Variants in FAM149B1 observed in about 807,000 individuals in gnomAD.
The protein encoded by FAM149B1 is family with sequence similarity 149 member B1, also known as primary cilium assembly protein FAM149B1.
FAM149B1 carries 56 observed loss-of-function variants against 75.3 expected under a neutral mutation model. The observed-to-expected ratio is 0.74, with a 90% CI of 0.60 to 0.93. The LOEUF is 0.93. FAM149B1 is among the 40% of genes least tolerant of loss of function. FAM149B1 has a pLI of 0.00. For missense variants in FAM149B1, 639 were observed against 708.4 expected (o/e 0.90, Z 1.11); for synonymous variants, 259 against 256.1 (o/e 1.01, Z -0.11).
intron 3 of FAM149B1, among the ~76,000 whole-genome samples, chr10:73,191,336 C>CTTT (rs1344368813): frequency 8.1e-6 from 1 of 124,068 alleles, no homozygotes; most frequent in Admixed American, 8.5e-5. Flanking sequence ...CCGCCTTGGC[C>CTTT]TTTTTTTTTT....
At chr10:73,208,819 C>A (rs2043125242) in intron 6 of FAM149B1, 33 bp downstream of exon 6, 1 of 1,346,808 alleles carries the variant, frequency 7.4e-7, no homozygotes, top group South Asian at 2.1e-5. Context: ...TTTTTACTCC[C>A]CTCTTATTTT....
chr10:73,235,434 G>A (rs977238922), intron 12 of FAM149B1, 116 bp downstream of exon 12: 9 of 1,468,730 alleles, frequency 6.1e-6, no homozygotes, highest in Non-Finnish European at 8.1e-6. Flanking sequence ...AATAAAAGTT[G>A]AGTTTCCAAC....
chr10:73,203,482 T>C (rs562443685), intron 5 of FAM149B1, among the ~76,000 whole-genome samples: 2 of 152,334 alleles, frequency 1.3e-5, no homozygotes, highest in South Asian at 4.1e-4. Context: ...ATACTTAATC[T>C]TTTATTGTGG....
chr10:73,192,790 A>T, intron 4 of FAM149B1, 92 bp downstream of exon 4: 1 of 1,198,080 alleles, frequency 8.3e-7, no homozygotes, highest in Non-Finnish European at 1.1e-6. Flanking sequence ...TGAAATCTTT[A>T]TGAGCATGAC....
chr10:73,197,737 T>G (rs1030579810), intron 5 of FAM149B1, among the ~76,000 whole-genome samples: 28 of 151,576 alleles, frequency 1.8e-4, no homozygotes, highest in Non-Finnish European at 1.2e-4. Flanking sequence ...GTCACTGCAC[T>G]CCAGCCTGGT....
chr10:73,210,939 T>A (rs2043175077), intron 7 of FAM149B1, among the ~76,000 whole-genome samples: 1 of 151,614 alleles, frequency 6.6e-6, no homozygotes, highest in East Asian at 1.9e-4. Context: ...GTAGGTAGGG[T>A]TTTTTCCCCC....
At chr10:73,235,684 G>A (rs1007537329) in intron 12 of FAM149B1, among the ~76,000 whole-genome samples, 2 of 152,182 alleles carry the variant, frequency 1.3e-5, no homozygotes, top group African/African-American at 2.4e-5. Context: ...CCTGGTGGAT[G>A]AGTGAGTTGG....
intron 7 of FAM149B1, among the ~76,000 whole-genome samples, chr10:73,212,104 A>G (rs1285632480): frequency 6.6e-6 from 1 of 152,142 alleles, no homozygotes; most frequent in Non-Finnish European, 1.5e-5. Context: ...AGTTCCATCT[A>G]TGTTGCTGCA....
In FAM149B1 at chr10:73,208,477, T is replaced by C; in HGVS notation, c.543-142T>C. The C allele has an allele frequency of 7.6e-6, 4 of 527,680 alleles. No individual in the cohort carries two copies. In the Admixed American group the frequency reaches 1.0e-4, roughly 13 times the overall value. 32.7% of individuals were successfully genotyped at this position (527,680 alleles called of 1,614,324 possible). A position where few individuals can be genotyped will look rare whatever the true frequency, so the allele number is the denominator to read the frequency against. On this transcript the variant is annotated intron_variant, in intron 5 of 13. Transcript: ENST00000242505. The stretch of plus-strand genomic sequence containing the variant: ...AATTTAATCTTCCTGTTCTGAGAAA[T>C]GGTAGGTTATTGAGGCTTAGAATAG...
At chr10:73,202,005 A>G (rs1301132809) in intron 5 of FAM149B1, among the ~76,000 whole-genome samples, 1 of 152,102 alleles carries the variant, frequency 6.6e-6, no homozygotes, top group Non-Finnish European at 1.5e-5. Context: ...TCTCTACTAA[A>G]AATACAAAAA....
At chr10:73,205,328 A>G (rs570382763) in intron 5 of FAM149B1, among the ~76,000 whole-genome samples, 3 of 144,428 alleles carry the variant, frequency 2.1e-5, no homozygotes, top group South Asian at 4.6e-4. Context: ...AGTGTGCGGC[A>G]CCTCTCCACA....
At chr10:73,217,806 T>G (rs187189657) in intron 7 of FAM149B1, among the ~76,000 whole-genome samples, 71 of 152,182 alleles carry the variant, frequency 4.7e-4, no homozygotes, top group African/African-American at 1.6e-3. Context: ...CACCAAGAGG[T>G]AGGAATCATG....
At chr10:73,177,589 A>G (rs1202629364) in intron 2 of FAM149B1, among the ~76,000 whole-genome samples, 1 of 149,226 alleles carries the variant, frequency 6.7e-6, no homozygotes, top group Non-Finnish European at 1.5e-5. Flanking sequence ...AAAAAAGAGT[A>G]TGTCATAGGT....
At chr10:73,200,317 CAA>C (rs2042903253) in intron 5 of FAM149B1, 1 of 400,476 alleles carries the variant, frequency 2.5e-6, no homozygotes, top group South Asian at 2.5e-5. Flanking sequence ...GCCTGGGTGA[CAA>C]GAGCGAAACT....
intron 9 of FAM149B1, 150 bp downstream of exon 9, chr10:73,230,675 C>T (rs1405655502): frequency 3.5e-6 from 2 of 570,862 alleles, no homozygotes; most frequent in Non-Finnish European, 6.3e-6. Flanking sequence ...TGGTCTCCAC[C>T]ATCAGGGGGC....
chr10:73,240,516 T>C (rs558006667), intron 13 of FAM149B1, among the ~76,000 whole-genome samples: 6 of 152,056 alleles, frequency 3.9e-5, no homozygotes, highest in Non-Finnish European at 8.8e-5. Flanking sequence ...ATTGAGACCA[T>C]CCTGGCTAAC....
intron 7 of FAM149B1, among the ~76,000 whole-genome samples, chr10:73,213,209 C>T (rs2133372775): frequency 6.6e-6 from 1 of 152,286 alleles, no homozygotes; most frequent in Non-Finnish European, 1.5e-5. Context: ...GGGTTGAAAT[C>T]CTTGTAGATT....
intron 12 of FAM149B1, 103 bp downstream of exon 12, chr10:73,235,421 C>T: frequency 6.7e-7 from 1 of 1,485,676 alleles, no homozygotes; most frequent in Non-Finnish European, 8.9e-7. Context: ...AGGCTTAACC[C>T]AGAATAAAAG....
At chr10:73,234,193 A>G (rs1394898777) in intron 10 of FAM149B1, 2 of 152,630 alleles carry the variant, frequency 1.3e-5, no homozygotes, top group Non-Finnish European at 2.9e-5. Context: ...ATGTGGATGT[A>G]GCTATATCTA....
Sources: gnomAD v4.1 joint callset for allele counts (sites outside exome capture counted in the v4.1 genomes callset) on GRCh38, gnomAD v4.1.1 for gene constraint, MANE v1.5 for transcripts, NCBI Gene and HGNC (gene_info 2026-07-23, HGNC 2026-07-21) for gene names.